Variants in ZC3H6 observed in about 807,000 individuals in gnomAD.
ZC3H6 encodes the protein zinc finger CCCH domain-containing protein 6.
ZC3H6 carries 40 observed loss-of-function variants against 107.7 expected under a neutral mutation model. The ratio of observed to expected loss-of-function variants is 0.37; its 90% CI spans 0.29 to 0.48. The LOEUF (loss-of-function observed/expected upper bound fraction) is 0.48, where lower values mean the gene tolerates loss of function less well. Ranked by LOEUF, ZC3H6 falls within the 20% of genes least tolerant of loss-of-function variation. ZC3H6 has a pLI of 0.98. For synonymous variants in ZC3H6, 493 were observed against 487.9 expected (o/e 1.01, Z -0.14); for missense variants, 1,267 against 1,410.4 (o/e 0.90, Z 1.63).
rs1349508854 is a variant in ZC3H6 at position 112,333,368 on chromosome 2, G to C, written c.*880G>C. On this transcript the variant is annotated 3_prime_UTR_variant, in exon 12 of 12. Coordinates refer to ENST00000409871, the MANE Select transcript of ZC3H6 (RefSeq NM_198581.3). ...ATTTTTAAAGACCCAGTGAGAGTCT[G>C]TAGTGATTATTACACGGATAATGTT... The C allele has an allele frequency of 6.6e-6, 1 of 152,542 alleles. No homozygotes were observed. Among genetic ancestry groups the C allele is most frequent in the African/African-American group, 2.4e-5 (1 of 41,432 alleles). The allele number at this position is 152,542 out of a possible 1,614,324, so 9.4% of individuals were successfully genotyped here.
chr2:112,276,196 G>C (rs1411445351), intron 1 of ZC3H6, among the ~76,000 whole-genome samples, 170 bp downstream of exon 1: 1 of 147,524 alleles, frequency 6.8e-6, no homozygotes, highest in Non-Finnish European at 1.5e-5. Context: ...CCGCGGGGGA[G>C]GTCGGCCCGG....
At chr2:112,308,829 G>A (rs7564052) in intron 3 of ZC3H6, among the ~76,000 whole-genome samples, 76,752 of 150,542 alleles carry the variant, frequency 0.51, 21,724 homozygotes, top group East Asian at 0.77. Context: ...TGAGGCAGGC[G>A]GATCACAAGG....
chr2:112,300,165 T>A, intron 2 of ZC3H6, 136 bp downstream of exon 2: 1 of 588,628 alleles, frequency 1.7e-6, no homozygotes, highest in Non-Finnish European at 2.6e-6. Context: ...TTAAACTTTC[T>A]AAACAAAGAT....
intron 5 of ZC3H6, among the ~76,000 whole-genome samples, chr2:112,315,366 T>C (rs1194246609): frequency 2.0e-5 from 3 of 152,198 alleles, no homozygotes; most frequent in Non-Finnish European, 4.4e-5. Flanking sequence ...ACTTTTTATA[T>C]TTAAAAGTTA....
chr2:112,291,957 A>T (rs1477985334), intron 1 of ZC3H6, among the ~76,000 whole-genome samples: 1 of 152,182 alleles, frequency 6.6e-6, no homozygotes, highest in Non-Finnish European at 1.5e-5. Context: ...ACCTGAAGCG[A>T]TCTGCCTGCC....
In ZC3H6 at chr2:112,324,662, T is replaced by A; in HGVS notation, c.1851T>A (p.Gly617=). 1 of 1,552,568 alleles carries A rather than the reference T, an allele frequency of 6.4e-7. No individual in the cohort carries two copies. Among genetic ancestry groups the A allele is most frequent in the Non-Finnish European group, 8.6e-7 (1 of 1,158,282 alleles). The part of the protein sequence containing the change: ...IHNFQPPNNS[G]DGMWHGEFAQ... ...ATTTTCAGCCACCCAATAACTCTGG[T>A]GGTAAGTTTACTTTTTTGAAATAAT... Residue 617 remains glycine, a splice_region_variant and synonymous_variant, in exon 10 of 12, where the codon GGT becomes GGA. Transcript: ENST00000409871.
intron 1 of ZC3H6, 110 bp from the exon 2 acceptor site, chr2:112,299,739 T>C (rs1351863491): frequency 1.8e-5 from 16 of 866,158 alleles, no homozygotes; most frequent in South Asian, 1.8e-4. Context: ...CAAGTGCTTG[T>C]CTAAATGAAT....
Position 112,317,216 on chromosome 2 carries a change from A to C in ZC3H6, c.865-5A>C. On this transcript the variant is annotated splice_polypyrimidine_tract_variant and splice_region_variant and intron_variant, in intron 6 of 11. Transcript: ENST00000409871. The stretch of plus-strand genomic sequence containing the variant: ...CTTTTTTCTTTTTTTTTTTTTTGTG[A>C]ATAGGGAGATCAGTGTAAATTTGAT... 1 of 1,141,136 alleles carries C rather than the reference A, an allele frequency of 8.8e-7. No individual in the cohort carries two copies. The highest frequency in any genetic ancestry group is 1.2e-6 in the Non-Finnish European group (1 of 864,436). 70.7% of individuals were successfully genotyped at this position (1,141,136 alleles called of 1,614,324 possible).
intron 8 of ZC3H6, among the ~76,000 whole-genome samples, chr2:112,322,066 A>G (rs1676810691): frequency 1.3e-5 from 2 of 150,444 alleles, no homozygotes; most frequent in Admixed American, 1.3e-4. Flanking sequence ...TCTCCAAACC[A>G]TTTCAACTTT....
chr2:112,297,614 A>G (rs1676265405), intron 1 of ZC3H6, among the ~76,000 whole-genome samples: 1 of 152,216 alleles, frequency 6.6e-6, no homozygotes, highest in African/African-American at 2.4e-5. Context: ...GTCATAATCA[A>G]TATAAAAGTC....
Position 112,322,629 on chromosome 2 carries a change from T to C in ZC3H6, c.1087-20T>C, listed in dbSNP as rs766416409. On this transcript the variant is annotated intron_variant, in intron 8 of 11. Transcript: ENST00000409871. ...GAAAAGACTCGCTTTGAAATAGTAA[T>C]CTTTGCCAATTATTTTTAGGTGTTG... is the stretch of plus-strand genomic sequence containing the variant. The C allele has an allele frequency of 2.5e-6, 4 of 1,575,648 alleles. No homozygotes were observed. The East Asian group carries it at 6.7e-5, about 27-fold the overall frequency.
chr2:112,334,949 T>G lies in ZC3H6; in HGVS notation c.*2461T>G, dbSNP rs1677114412. ...TTAGAGATAACAGAAATAACTTGAG[T>G]CTTAAGAGTATGGATAGGCTCATCC... On this transcript the variant is annotated 3_prime_UTR_variant, in exon 12 of 12. Coordinates refer to ENST00000409871, the MANE Select transcript of ZC3H6 (RefSeq NM_198581.3). The G allele has an allele frequency of 1.3e-5, 2 of 152,536 alleles. No homozygotes were observed. Among genetic ancestry groups the G allele is most frequent in the African/African-American group, 4.8e-5 (2 of 41,416 alleles). The allele number at this position is 152,536 out of a possible 1,614,324, so 9.4% of individuals were successfully genotyped here. A position where few individuals can be genotyped will look rare whatever the true frequency, so the allele number is the denominator to read the frequency against.
In ZC3H6 at chr2:112,310,087, C is replaced by T. The variant is rs781578573; in HGVS notation, c.539C>T (p.Thr180Ile). Residue 180 changes from threonine to isoleucine, a missense_variant, in exon 4 of 12, where the codon ACC (threonine) becomes ATC (isoleucine). Thr to Ile is a moderately conservative substitution (Grantham distance 89, BLOSUM62 -1). Around this residue, in one of 3 missense-constraint regions of ZC3H6, gnomAD observed 337 missense variants for 361.2 expected, o/e 0.93. Coordinates refer to ENST00000409871, the MANE Select transcript of ZC3H6 (RefSeq NM_198581.3). ...QLKQYRQAKETSNIALGSSFS... is the reference protein window; with the variant it reads ...QLKQYRQAKEISNIALGSSFS... ...AAACAATACAGGCAAGCTAAAGAAA[C>T]CTCAAATATTGCTTTAGGGTCATCA... The T allele has an allele frequency of 5.0e-6, 8 of 1,613,368 alleles. No individual in the cohort carries two copies. The highest frequency in any genetic ancestry group is 5.9e-6 in the Non-Finnish European group (7 of 1,179,668).
At chr2:112,290,392 G>A (rs772970228) in intron 1 of ZC3H6, among the ~76,000 whole-genome samples, 45 of 152,298 alleles carry the variant, frequency 3.0e-4, no homozygotes, top group Admixed American at 4.6e-4. Flanking sequence ...GTTTATTTAC[G>A]ACTTCCTCAG....
chr2:112,311,106 T>C (rs933437268), intron 4 of ZC3H6, among the ~76,000 whole-genome samples: 3 of 152,212 alleles, frequency 2.0e-5, no homozygotes, highest in African/African-American at 7.2e-5. Flanking sequence ...GGCTTTTCTT[T>C]TCAAGCTCCT....
chr2:112,278,405 C>CT (rs1686467566), intron 1 of ZC3H6, among the ~76,000 whole-genome samples: 1 of 152,240 alleles, frequency 6.6e-6, no homozygotes, highest in African/African-American at 2.4e-5. Context: ...GCAAGCTCCA[C>CT]TTCCCGCCTT....
At chr2:112,328,140 C>T (rs150511736) in intron 11 of ZC3H6, among the ~76,000 whole-genome samples, 2,438 of 152,206 alleles carry the variant, frequency 0.016, 71 homozygotes, top group African/African-American at 0.055. Flanking sequence ...GATCTGCCTG[C>T]GTTGGCCTCC....
chr2:112,279,303 A>G (rs549551405), intron 1 of ZC3H6, among the ~76,000 whole-genome samples: 3 of 152,382 alleles, frequency 2.0e-5, no homozygotes, highest in Admixed American at 6.5e-5. Context: ...CCTGAAGACG[A>G]AATACTATGA....
chr2:112,317,130 G>A (rs1676711229), intron 6 of ZC3H6, 91 bp from the exon 7 acceptor site: 2 of 665,480 alleles, frequency 3.0e-6, no homozygotes, highest in Non-Finnish European at 4.9e-6. Context: ...TTTACCATGA[G>A]ACACCATGTA....
Sources: allele counts gnomAD v4.1 joint callset (sites outside exome capture counted in the v4.1 genomes callset), GRCh38; gene constraint gnomAD v4.1.1; regional missense constraint gnomAD v4.1.1; transcripts MANE v1.5; gene names NCBI Gene and HGNC (gene_info 2026-07-23, HGNC 2026-07-21).